OVOL1: variants seen among roughly 807,000 people sequenced by gnomAD.
OVOL1 encodes the protein putative transcription factor Ovo-like 1.
Under a neutral mutation model 21.5 loss-of-function variants are expected in OVOL1, and 10 were observed. The ratio of observed to expected loss-of-function variants is 0.46; its 90% CI spans 0.29 to 0.79. The LOEUF (loss-of-function observed/expected upper bound fraction) is 0.79, where lower values mean the gene tolerates loss of function less well. Ranked by LOEUF, OVOL1 falls within the 30% of genes least tolerant of loss-of-function variation. The probability of loss-of-function intolerance (pLI) is 0.10; values close to 1 mark genes in which losing one functional copy is unlikely to be tolerated. For synonymous variants in OVOL1, 129 were observed against 150.3 expected (o/e 0.86, Z 1.03); for missense variants, 279 against 362.3 (o/e 0.77, Z 1.87).
At chr11:65,788,017 CG>C (rs1857937509) in intron 1 of OVOL1, among the ~76,000 whole-genome samples, 1 of 151,888 alleles carries the variant, frequency 6.6e-6, no homozygotes, top group African/African-American at 2.4e-5. Flanking sequence ...CGGTGGGGGG[CG>C]TGGGCCCCCA....
intron 1 of OVOL1, among the ~76,000 whole-genome samples, chr11:65,792,862 G>A (rs1004614061): frequency 6.6e-6 from 1 of 152,228 alleles, no homozygotes; most frequent in Non-Finnish European, 1.5e-5. Flanking sequence ...GTCCTCCTGG[G>A]AGAAGAGGTG....
At chr11:65,791,596 G>C (rs1399000933) in intron 1 of OVOL1, among the ~76,000 whole-genome samples, 1 of 152,250 alleles carries the variant, frequency 6.6e-6, no homozygotes, top group African/African-American at 2.4e-5. Context: ...GGCCAAGGCA[G>C]GAGACAGGCC....
At chr11:65,789,069 T>C in intron 1 of OVOL1, 4 of 985,280 alleles carry the variant, frequency 4.1e-6, no homozygotes, top group Non-Finnish European at 4.8e-6. Context: ...AGCTGAGCCC[T>C]GAGCCAGGCT....
At chr11:65,791,358 C>T (rs537814714) in intron 1 of OVOL1, among the ~76,000 whole-genome samples, 2 of 152,342 alleles carry the variant, frequency 1.3e-5, no homozygotes, top group African/African-American at 2.4e-5. Flanking sequence ...GCTGGGCCCC[C>T]GTCTCACCTT....
At position 65,787,352 on chromosome 11, in the gene OVOL1, G is replaced by C. The variant is rs199941275; in HGVS notation, c.-22G>C. The C allele has an allele frequency of 7.5e-4, 1,163 of 1,557,018 alleles. 10 individuals carry two copies. Among genetic ancestry groups the C allele is most frequent in the Middle Eastern group, 6.7e-4 (4 of 5,972 alleles). ...GGCTTCAGTTACGGAAGCGGCCCGT[G>C]TCCAGCGACGAGGGTTCGAAAATGC... On this transcript the variant is annotated 5_prime_UTR_variant, in exon 1 of 4. Coordinates refer to ENST00000335987, the MANE Select transcript of OVOL1 (RefSeq NM_004561.4).
intron 1 of OVOL1, chr11:65,789,794 C>A: frequency 1.4e-6 from 1 of 702,202 alleles, no homozygotes; most frequent in Non-Finnish European, 1.8e-6. Flanking sequence ...CCTCTGAGAC[C>A]CTCAAAGCCT....
intron 1 of OVOL1, among the ~76,000 whole-genome samples, chr11:65,793,117 A>G (rs1000481820): frequency 6.6e-6 from 1 of 152,172 alleles, no homozygotes; most frequent in Non-Finnish European, 1.5e-5. Flanking sequence ...AAGTTGAAAA[A>G]TTTGCCCCGG....
intron 1 of OVOL1, chr11:65,788,672 G>A: frequency 7.1e-6 from 7 of 985,168 alleles, no homozygotes; most frequent in Non-Finnish European, 8.4e-6. Context: ...TGACCTTCCA[G>A]GACCCAGTGG....
intron 1 of OVOL1, among the ~76,000 whole-genome samples, chr11:65,792,117 C>T (rs1375855506): frequency 3.9e-5 from 6 of 152,210 alleles, no homozygotes; most frequent in African/African-American, 1.4e-4. Flanking sequence ...ACTCCCTGGC[C>T]CCGGTCTCCC....
chr11:65,792,884 C>A lies in OVOL1; in HGVS notation c.101-1147C>A, dbSNP rs1028550279. ...TGGGAGAAGAGGTGAGGGCGGCAGCCCTCCTGCCCAGGCCCAAGCCCGTTC... is the reference window on the plus strand; with the variant it reads ...TGGGAGAAGAGGTGAGGGCGGCAGCACTCCTGCCCAGGCCCAAGCCCGTTC... On this transcript the variant is annotated intron_variant, in intron 1 of 3. Transcript: ENST00000335987. 1.6e-4 allele frequency among the ~76,000 whole-genome samples: 25 copies of A among 152,334 alleles called. No homozygotes were observed. The East Asian group carries it at 3.7e-3, about 22-fold the overall frequency.
intron 2 of OVOL1, 109 bp downstream of exon 2, chr11:65,794,357 T>G: frequency 8.5e-7 from 1 of 1,182,176 alleles, no homozygotes; most frequent in Non-Finnish European, 1.2e-6. Flanking sequence ...ACCTGGGACC[T>G]GGGCCAAGGT....
At chr11:65,792,761 G>C (rs1858047484) in intron 1 of OVOL1, among the ~76,000 whole-genome samples, 1 of 152,330 alleles carries the variant, frequency 6.6e-6, no homozygotes, top group Non-Finnish European at 1.5e-5. Context: ...GTGTTTTGAG[G>C]GGGCGAGAGC....
chr11:65,788,843 T>C (rs1039548909), intron 1 of OVOL1: 4 of 985,348 alleles, frequency 4.1e-6, no homozygotes, highest in Middle Eastern at 5.2e-4. Context: ...CTGAGGCAGA[T>C]TAGGGTGTGG....
At chr11:65,793,658 G>A (rs1202855122) in intron 1 of OVOL1, 1 of 303,132 alleles carries the variant, frequency 3.3e-6, no homozygotes, top group Admixed American at 4.9e-5. Context: ...TCCCTGGGCA[G>A]AAGGTCTCCA....
chr11:65,795,304 CTG>C lies in OVOL1; in HGVS notation c.769_770del (p.Val257HisfsTer106), dbSNP rs752844747. The C allele has an allele frequency of 1.2e-6, 2 of 1,611,124 alleles. No individual in the cohort carries two copies. Among genetic ancestry groups the C allele is most frequent in the Non-Finnish European group, 1.7e-6 (2 of 1,179,244 alleles). Reference sequence around the variant, plus strand: ...AAGGTGGCCGTGGCACTACAGAACACTGTCACTTCCCTGCTGCAGGGCAGCCC... The same window carrying C: ...AAGGTGGCCGTGGCACTACAGAACACTCACTTCCCTGCTGCAGGGCAGCCC... On this transcript the variant is annotated frameshift_variant, in exon 4 of 4. Transcript: ENST00000335987. LOFTEE classifies it high-confidence loss of function. This position sits in a 1 kb window ranked among gnomAD's most constrained non-coding sequence, Gnocchi z 5.7.
rs764815177 is a variant in OVOL1, at chr11:65,794,097, C to A, written c.167C>A (p.Ser56Tyr). Residue 56 changes from serine (S) to tyrosine (Y), a missense_variant, in exon 2 of 4, where the codon TCC becomes TAC. Transcript: ENST00000335987. ...EPEPSVAEPP[S>Y]CPLALNMSLR... ...GAACCCTCTGTGGCCGAACCCCCTT[C>A]CTGCCCGCTGGCTTTGAACATGAGC... The A allele has an allele frequency of 1.2e-6, 2 of 1,614,048 alleles. No individual in the cohort carries two copies. The highest frequency in any genetic ancestry group is 2.2e-5 in the East Asian group (1 of 44,888).
chr11:65,794,257 A>G lies in OVOL1; in HGVS notation c.318+9A>G, dbSNP rs748390381. ...TGCGCACCAAGATGAAGGTAATGCCACTCGCGCTGTCTCCGAGGGCCGGGG... is the reference window on the plus strand; with the variant it reads ...TGCGCACCAAGATGAAGGTAATGCCGCTCGCGCTGTCTCCGAGGGCCGGGG... On this transcript the variant is annotated intron_variant, in intron 2 of 3. Coordinates refer to ENST00000335987, the MANE Select transcript of OVOL1 (RefSeq NM_004561.4). The G allele has an allele frequency of 6.2e-7, 1 of 1,608,590 alleles. No homozygotes were observed. The highest frequency in any genetic ancestry group is 1.3e-5 in the African/African-American group (1 of 74,912).
chr11:65,788,841 G>C, intron 1 of OVOL1: 1 of 985,484 alleles, frequency 1.0e-6, no homozygotes, highest in Non-Finnish European at 1.2e-6. Context: ...ACCTGAGGCA[G>C]ATTAGGGTGT....
intron 1 of OVOL1, chr11:65,788,616 C>T: frequency 1.0e-6 from 1 of 985,460 alleles, no homozygotes; most frequent in Non-Finnish European, 1.2e-6. Flanking sequence ...AGTTTCCCTC[C>T]TGAATAAGCT....
Sources: gnomAD v4.1 joint callset for allele counts (sites outside exome capture counted in the v4.1 genomes callset) on GRCh38, gnomAD v4.1.1 for gene constraint, Gnocchi (gnomAD v3.1) non-coding constraint, MANE v1.5 for transcripts, NCBI Gene and HGNC (gene_info 2026-07-23, HGNC 2026-07-21) for gene names.